CDH13: variants seen among roughly 807,000 people sequenced by gnomAD.
The protein encoded by CDH13 is cadherin-13.
CDH13 carries 24 observed loss-of-function variants against 63.8 expected under a neutral mutation model. The observed-to-expected ratio is 0.38, with a 90% CI of 0.27 to 0.53. The LOEUF is 0.53. Among genes scored for constraint, CDH13 ranks in the 20% least tolerant of loss-of-function variants. The probability of loss-of-function intolerance (pLI) is 0.85; values close to 1 mark genes in which losing one functional copy is unlikely to be tolerated. For missense variants in CDH13, 1,049 were observed against 903.1 expected, an observed-to-expected ratio of 1.16 and a Z score of -2.07; for synonymous variants, 503 against 355.3, an observed-to-expected ratio of 1.42 and a Z score of -4.67.
chr16:82,686,052 C>G (rs1191481689), intron 1 of CDH13, among the ~76,000 whole-genome samples: 2 of 152,164 alleles, frequency 1.3e-5, no homozygotes, highest in African/African-American at 4.8e-5. Flanking sequence ...TTTCTCCCAA[C>G]TGCAAGTAGA....
intron 4 of CDH13, among the ~76,000 whole-genome samples, chr16:83,174,948 G>A (rs1039164780): frequency 2.0e-5 from 3 of 152,102 alleles, no homozygotes; most frequent in African/African-American, 7.2e-5. Flanking sequence ...CTGCCCCCAT[G>A]ATCCAGTCCT....
intron 7 of CDH13, among the ~76,000 whole-genome samples, chr16:83,526,806 C>G (rs2074972866): frequency 6.6e-6 from 1 of 152,190 alleles, no homozygotes; most frequent in East Asian, 1.9e-4. Context: ...CTGGCAATCC[C>G]AGTAATTGTC....
intron 4 of CDH13, among the ~76,000 whole-genome samples, chr16:83,174,406 A>G (rs964652609): frequency 2.0e-5 from 3 of 152,038 alleles, no homozygotes; most frequent in African/African-American, 7.2e-5. Context: ...TATCTTGACC[A>G]ATGTTTCAGA....
rs375538547 is a variant in CDH13 at position 83,125,449 on chromosome 16, C to G, written c.431C>G (p.Pro144Arg). The part of the protein sequence containing the change: ...PRQKRSIVVS[P>R]ILIPENQRQP... ...CAAAAGAGGTCCATTGTGGTATCTCCCATTTTAATTCCAGAGAATCAGAGA... is the reference window on the plus strand; with the variant it reads ...CAAAAGAGGTCCATTGTGGTATCTCGCATTTTAATTCCAGAGAATCAGAGA... Residue 144 changes from proline to arginine, a missense_variant, in exon 4 of 14, where the codon CCC (proline) becomes CGC (arginine). Pro to Arg is a moderately radical substitution (Grantham distance 103). Transcript: ENST00000567109. The G allele has an allele frequency of 6.2e-7, 1 of 1,612,394 alleles. No individual in the cohort carries two copies. The highest frequency in any genetic ancestry group is 1.1e-5 in the South Asian group (1 of 91,002).
chr16:82,851,451 GAAAA>G (rs2039482859), intron 1 of CDH13, among the ~76,000 whole-genome samples: 1 of 35,534 alleles, frequency 2.8e-5, no homozygotes, highest in South Asian at 7.6e-4. Flanking sequence ...AAAATAAAAA[GAAAA>G]AGAAAAAGAA....
intron 1 of CDH13, among the ~76,000 whole-genome samples, chr16:82,732,236 A>C (rs1291887028): frequency 6.6e-6 from 1 of 152,066 alleles, no homozygotes; most frequent in Non-Finnish European, 1.5e-5. Flanking sequence ...CAGTTTGTTG[A>C]AATATTATGT....
intron 5 of CDH13, among the ~76,000 whole-genome samples, chr16:83,231,786 C>G (rs548367861): frequency 6.6e-6 from 1 of 152,294 alleles, no homozygotes; most frequent in Non-Finnish European, 1.5e-5. Context: ...GGATGTTTGT[C>G]CCCTCCACAT....
chr16:83,278,804 G>C (rs954759442), intron 5 of CDH13, among the ~76,000 whole-genome samples: 1 of 152,182 alleles, frequency 6.6e-6, no homozygotes, highest in Non-Finnish European at 1.5e-5. Flanking sequence ...TGTATTCATA[G>C]CAAGAAATGA....
intron 5 of CDH13, among the ~76,000 whole-genome samples, chr16:83,319,717 A>G (rs2090180680): frequency 6.6e-6 from 1 of 152,170 alleles, no homozygotes; most frequent in Non-Finnish European, 1.5e-5. Flanking sequence ...GAAGGAAAAA[A>G]ATATGCTGGG....
At position 83,558,688 on chromosome 16, in the gene CDH13, A is replaced by G. The variant is rs148828751; in HGVS notation, c.961-43766A>G. On this transcript the variant is annotated intron_variant, in intron 7 of 13. Coordinates refer to ENST00000567109, the MANE Select transcript of CDH13 (RefSeq NM_001257.5). ...GCCTGTATTTGAGTGTTAGTGTTCC[A>G]ATTAATTTAGTTGACATCATTTCAA... Among the ~76,000 whole-genome samples the G allele has an allele frequency of 3.3e-5, 5 of 152,222 alleles. No individual in the cohort carries two copies. In the East Asian group the frequency reaches 9.7e-4, roughly 29 times the overall value.
intron 5 of CDH13, among the ~76,000 whole-genome samples, chr16:83,273,252 G>A (rs1422839169): frequency 2.6e-5 from 4 of 152,040 alleles, no homozygotes; most frequent in Non-Finnish European, 4.4e-5. Context: ...ATGTCACAGA[G>A]GTTTGGTGTA....
chr16:83,742,225 G>T (rs905950473), intron 10 of CDH13, among the ~76,000 whole-genome samples: 1 of 152,180 alleles, frequency 6.6e-6, no homozygotes, highest in Non-Finnish European at 1.5e-5. Context: ...CTCTGAGGGG[G>T]CCCTGCTGAG....
intron 5 of CDH13, among the ~76,000 whole-genome samples, chr16:83,286,118 G>C (rs940540329): frequency 2.0e-5 from 3 of 152,100 alleles, no homozygotes; most frequent in Non-Finnish European, 4.4e-5. Flanking sequence ...TCCTGCTTCA[G>C]CTCTCTCCCC....
intron 3 of CDH13, among the ~76,000 whole-genome samples, chr16:83,106,820 G>A (rs1353096801): frequency 1.3e-5 from 2 of 152,084 alleles, no homozygotes; most frequent in Non-Finnish European, 2.9e-5. Context: ...ATACAGGATG[G>A]TAAATAAATT....
chr16:83,014,790 T>TATATA (rs1914565647), intron 2 of CDH13, among the ~76,000 whole-genome samples: 4 of 57,588 alleles, frequency 6.9e-5, no homozygotes, highest in African/African-American at 2.2e-4. Flanking sequence ...ATATATATAT[T>TATATA]TGTATATATA....
intron 3 of CDH13, among the ~76,000 whole-genome samples, chr16:83,065,994 C>G (rs1455898763): frequency 6.6e-6 from 1 of 152,204 alleles, no homozygotes; most frequent in East Asian, 1.9e-4. Context: ...ACCACCTTCA[C>G]TCCTGTGTGT....
intron 2 of CDH13, among the ~76,000 whole-genome samples, chr16:82,997,556 C>A (rs1257980017): frequency 6.6e-6 from 1 of 152,164 alleles, no homozygotes; most frequent in Admixed American, 6.5e-5. Flanking sequence ...TATTTACCTT[C>A]CCCTAATCCC....
chr16:83,783,438 C>G lies in CDH13; in HGVS notation c.2100C>G (p.Pro700=). Residue 700 remains proline, a synonymous_variant, in exon 13 of 14, where the codon CCC becomes CCG. Transcript: ENST00000567109. ...CAGGGGCCCTGCGCTTCAGCCTGCC[C>G]TCAGTCCTGCTCCTCAGCCTCTTCA... ...NAAGALRFSL[P]SVLLLSLFSL... The G allele has an allele frequency of 6.2e-7, 1 of 1,613,926 alleles. No homozygotes were observed. The highest frequency in any genetic ancestry group is 8.5e-7 in the Non-Finnish European group (1 of 1,179,794).
rs369156381 is a variant in CDH13, at chr16:82,788,254, A to G, written c.46-70108A>G. Among the ~76,000 whole-genome samples the G allele has an allele frequency of 6.6e-4, 101 of 152,294 alleles. 2 individuals are homozygous for G. In the South Asian group the frequency reaches 0.02, roughly 30 times the overall value. Reference sequence around the variant, plus strand: ...TTTGTTCTCAAATCCAGCAGCCTTGACTTGACATGGGATGGTTGGGATGGT... The same window carrying G: ...TTTGTTCTCAAATCCAGCAGCCTTGGCTTGACATGGGATGGTTGGGATGGT... On this transcript the variant is annotated intron_variant, in intron 1 of 13. Coordinates refer to ENST00000567109, the MANE Select transcript of CDH13 (RefSeq NM_001257.5).
Sources: allele counts gnomAD v4.1 joint callset (sites outside exome capture counted in the v4.1 genomes callset), GRCh38; gene constraint gnomAD v4.1.1; transcripts MANE v1.5; gene names NCBI Gene and HGNC (gene_info 2026-07-23, HGNC 2026-07-21).